The following SRRM1 variants were observed in gnomAD, a reference collection of about 807,000 sequenced individuals.
SRRM1 encodes serine and arginine repetitive matrix 1.
In SRRM1, 19 loss-of-function variants were observed where a neutral mutation model predicts 110.2. That is an observed-to-expected ratio of 0.17 (90% CI 0.12 to 0.25). The LOEUF is 0.25. Ranked by LOEUF, SRRM1 falls within the 10% of genes least tolerant of loss-of-function variation. SRRM1 has a pLI of 1.00. For synonymous variants in SRRM1, 443 were observed against 414.9 expected, an observed-to-expected ratio of 1.07 and a Z score of -0.82; for missense variants, 918 against 1,145.8, an observed-to-expected ratio of 0.80 and a Z score of 2.87.
intron 13 of SRRM1, among the ~76,000 whole-genome samples, chr1:24,668,685 C>T (rs1015450510): frequency 1.3e-5 from 2 of 152,150 alleles, no homozygotes; most frequent in Non-Finnish European, 2.9e-5. Flanking sequence ...GAGGATACCA[C>T]ATAGGAGACC....
In SRRM1 at chr1:24,660,764, C is replaced by G. The variant is rs748892867; in HGVS notation, c.1361C>G (p.Ala454Gly). ...GTEKRESPSPAPKPRKVELSE... is the reference protein window; with the variant it reads ...GTEKRESPSPGPKPRKVELSE... ...GAGAAAAGAGAATCCCCTTCACCAGCACCGAAGCCTAGAAAAGTAGAGTTA... is the reference window on the plus strand; with the variant it reads ...GAGAAAAGAGAATCCCCTTCACCAGGACCGAAGCCTAGAAAAGTAGAGTTA... The change falls in exon 10 of 17, where the codon GCA (alanine) becomes GGA (glycine). Residue 454 changes from alanine to glycine, a missense_variant. Transcript: ENST00000323848. The G allele has an allele frequency of 4.4e-6, 7 of 1,593,158 alleles. No individual in the cohort carries two copies. In the African/African-American group the frequency reaches 9.5e-5, roughly 22 times the overall value.
At chr1:24,652,061 T>TATATATAC (rs1008970180) in intron 6 of SRRM1, among the ~76,000 whole-genome samples, 1 of 133,994 alleles carries the variant, frequency 7.5e-6, no homozygotes, top group East Asian at 2.2e-4. Context: ...TATATATATA[T>TATATATAC]ATGTACACAC....
chr1:24,664,650 G>A (rs1375970748), intron 12 of SRRM1, among the ~76,000 whole-genome samples: 1 of 152,224 alleles, frequency 6.6e-6, no homozygotes, highest in Non-Finnish European at 1.5e-5. Flanking sequence ...AAAGGAACCA[G>A]TGAGCAGTGT....
At chr1:24,663,096 A>G (rs530338277) in intron 12 of SRRM1, 6 of 1,238,060 alleles carry the variant, frequency 4.8e-6, no homozygotes, top group East Asian at 2.6e-5. Flanking sequence ...ATATTTAAAA[A>G]TGTCTCCATT....
At chr1:24,648,298 T>C (rs1658632411) in intron 3 of SRRM1, 1 of 152,280 alleles carries the variant, frequency 6.6e-6, no homozygotes, top group Non-Finnish European at 1.5e-5. Context: ...AGTTGAGAAT[T>C]TGAGGCATTG....
intron 10 of SRRM1, 111 bp from the exon 11 acceptor site, chr1:24,661,199 G>A: frequency 3.0e-6 from 2 of 674,652 alleles, no homozygotes; most frequent in East Asian, 2.7e-5. Flanking sequence ...TATAGTAGTT[G>A]TATTTTTGAT....
At chr1:24,664,979 A>G (rs1669180105) in intron 12 of SRRM1, among the ~76,000 whole-genome samples, 1 of 149,676 alleles carries the variant, frequency 6.7e-6, no homozygotes. Flanking sequence ...CTACTCCAGG[A>G]TGTTTTTGTT....
At chr1:24,662,878 G>T (rs1299203843) in intron 12 of SRRM1, 74 bp downstream of exon 12, 1 of 1,568,430 alleles carries the variant, frequency 6.4e-7, no homozygotes, top group East Asian at 2.3e-5. Context: ...GGGATTATTT[G>T]AGAATTTGGT....
Position 24,651,629 on chromosome 1 carries a change from T to A in SRRM1, c.725+17T>A. The A allele has an allele frequency of 6.4e-7, 1 of 1,562,600 alleles. No individual in the cohort carries two copies. Among genetic ancestry groups the A allele is most frequent in the East Asian group, 2.2e-5 (1 of 44,530 alleles). ...TTCTACTAGGCAAGTATATAAAAATTCATTTATAAATAATCACAATTTTAG... is the reference window on the plus strand; with the variant it reads ...TTCTACTAGGCAAGTATATAAAAATACATTTATAAATAATCACAATTTTAG... On this transcript the variant is annotated intron_variant, in intron 6 of 16. Transcript: ENST00000323848.
intron 16 of SRRM1, 93 bp downstream of exon 16, chr1:24,671,688 C>T: frequency 8.9e-7 from 1 of 1,118,604 alleles, no homozygotes; most frequent in East Asian, 2.4e-5. Context: ...GTTTTTTCTA[C>T]TAATTAGCCA....
At chr1:24,657,169 C>A (rs557943140) in intron 9 of SRRM1, among the ~76,000 whole-genome samples, 1 of 152,296 alleles carries the variant, frequency 6.6e-6, no homozygotes, top group African/African-American at 2.4e-5. Context: ...CAGCCTCCAA[C>A]CCCTGGGATT....
intron 3 of SRRM1, chr1:24,647,711 A>C (rs1042321302): frequency 1.3e-5 from 2 of 152,646 alleles, no homozygotes; most frequent in African/African-American, 4.8e-5. Flanking sequence ...AGGTATTTCT[A>C]GTTTTAAAAT....
intron 16 of SRRM1, 70 bp from the exon 17 acceptor site, chr1:24,672,112 A>G (rs1673096668): frequency 8.2e-7 from 1 of 1,226,946 alleles, no homozygotes; most frequent in Admixed American, 2.0e-5. Flanking sequence ...CCACACTTTG[A>G]TTCTGCTCTT....
At chr1:24,649,857 A>C in intron 4 of SRRM1, 114 bp from the exon 5 acceptor site, 1 of 935,618 alleles carries the variant, frequency 1.1e-6, no homozygotes, top group South Asian at 2.2e-5. Context: ...TCTGGTTCAA[A>C]AGAAGAGGCC....
In SRRM1 at chr1:24,672,891, C is replaced by T. The variant is rs900305630; in HGVS notation, c.*605C>T. ...AATGAAAGCATGTTGTTTGCCAGGA[C>T]ACTGTGGGTTTATATTGATGTGTAA... On this transcript the variant is annotated 3_prime_UTR_variant, in exon 17 of 17. Transcript: ENST00000323848. 30 of 152,704 alleles carry T rather than the reference C, an allele frequency of 2.0e-4. No homozygotes were observed. Among genetic ancestry groups the T allele is most frequent in the African/African-American group, 6.7e-4 (28 of 41,568 alleles). 9.5% of individuals were successfully genotyped at this position (152,704 alleles called of 1,614,324 possible). A position where few individuals can be genotyped will look rare whatever the true frequency, so the allele number is the denominator to read the frequency against.
chr1:24,663,941 C>T (rs906487739), intron 12 of SRRM1, among the ~76,000 whole-genome samples: 2 of 148,324 alleles, frequency 1.3e-5, no homozygotes, highest in Non-Finnish European at 3.0e-5. Context: ...AAGGCTTTGG[C>T]CCTGTTCAGT....
chr1:24,656,682 C>A (rs1267530232), intron 9 of SRRM1, among the ~76,000 whole-genome samples: 2 of 152,138 alleles, frequency 1.3e-5, no homozygotes, highest in Non-Finnish European at 2.9e-5. Flanking sequence ...GGGAAAAAAA[C>A]AAGTGTTTTT....
chr1:24,656,246 A>C (rs530377926), intron 9 of SRRM1, among the ~76,000 whole-genome samples: 1 of 152,292 alleles, frequency 6.6e-6, no homozygotes, highest in South Asian at 2.1e-4. Flanking sequence ...AGAAAGGCAA[A>C]TTTTGCTTTC....
chr1:24,648,781 TG>T, intron 3 of SRRM1, 77 bp from the exon 4 acceptor site: 1 of 1,313,262 alleles, frequency 7.6e-7, no homozygotes. Flanking sequence ...CTAATTTAAA[TG>T]AGTTTTAGGT....
Sources: gnomAD v4.1 joint callset for allele counts (sites outside exome capture counted in the v4.1 genomes callset) on GRCh38, gnomAD v4.1.1 for gene constraint, MANE v1.5 for transcripts, NCBI Gene and HGNC (gene_info 2026-07-23, HGNC 2026-07-21) for gene names.